PKD1: variants seen among roughly 807,000 people sequenced by gnomAD.
PKD1 encodes polycystin-1.
A neutral mutation model predicts 361.7 loss-of-function variants in PKD1; 81 were observed. That is an observed-to-expected ratio of 0.22 (90% confidence interval 0.19 to 0.27). PKD1 has a LOEUF of 0.27. Ranked by LOEUF, PKD1 falls within the 10% of genes least tolerant of loss-of-function variation. The probability of loss-of-function intolerance (pLI) is 1.00; values close to 1 mark genes in which losing one functional copy is unlikely to be tolerated. For missense variants in PKD1, 6,399 were observed against 6,118.3 expected, an observed-to-expected ratio of 1.05 and a Z score of -1.53; for synonymous variants, 3,615 against 2,818.3, an observed-to-expected ratio of 1.28 and a Z score of -8.95.
rs1477820995 is a variant in PKD1 at position 2,106,738 on chromosome 16, C to T, written c.7210-61G>A. The T allele has an allele frequency of 7.9e-6, 12 of 1,511,026 alleles. No individual in the cohort carries two copies. Among genetic ancestry groups the T allele is most frequent in the Non-Finnish European group, 9.9e-6 (11 of 1,111,866 alleles). 93.6% of individuals were successfully genotyped at this position (1,511,026 alleles called of 1,614,324 possible). On this transcript the variant is annotated intron_variant, in intron 17 of 45. Coordinates refer to ENST00000262304, the MANE Select transcript of PKD1 (RefSeq NM_001009944.3). The surrounding 1 kb of genome is among the most constrained non-coding windows in gnomAD (Gnocchi z 6.5). ...TCTGCCCTGTCAGCCCCACTTCTGCCTGCAGGCCCCGTCCCCTCGGCCATG... is the reference window on the plus strand; with the variant it reads ...TCTGCCCTGTCAGCCCCACTTCTGCTTGCAGGCCCCGTCCCCTCGGCCATG...
At chr16:2,094,421 C>T (rs757216593) in intron 34 of PKD1, among the ~76,000 whole-genome samples, 2 of 152,184 alleles carry the variant, frequency 1.3e-5, no homozygotes, top group African/African-American at 2.4e-5. Flanking sequence ...GTCAGGCGTC[C>T]GCCTGCGTCC....
At chr16:2,102,026 C>G (rs1417898574) in intron 26 of PKD1, 35 bp downstream of exon 26, 2 of 1,345,192 alleles carry the variant, frequency 1.5e-6, no homozygotes. Context: ...CCAGTGAGAG[C>G]AGGGGAGGCC....
rs137986581 is a variant in PKD1, at chr16:2,097,486, G to A, written c.10238C>T (p.Ser3413Phe). Residue 3413 changes from serine (S) to phenylalanine (F), a missense_variant, in exon 33 of 46, where the codon TCC (serine) becomes TTC (phenylalanine). By Grantham distance (155) the Ser-to-Phe change is radical (BLOSUM62 -2). Coordinates refer to ENST00000262304, the MANE Select transcript of PKD1 (RefSeq NM_001009944.3). ...CGGCCAACTGAGCGTTCCCTCGCCG[G>A]AGGGCCAGCACACCAGACTGCAGGT... is the stretch of plus-strand genomic sequence containing the variant. ...DDSKSLVCWP[S>F]GEGTLSWPDL... 4.4e-6 allele frequency: 7 copies of A among 1,602,102 alleles called. No individual in the cohort carries two copies. In the African/African-American group the frequency reaches 5.3e-5, roughly 12 times the overall value.
chr16:2,114,665 G>A lies in PKD1; in HGVS notation c.2358C>T (p.Pro786=). The A allele has an allele frequency of 6.5e-7, 1 of 1,549,564 alleles. No homozygotes were observed. Among genetic ancestry groups the A allele is most frequent in the Non-Finnish European group, 8.6e-7 (1 of 1,156,184 alleles). The change falls in exon 11 of 46, where the codon CCC becomes CCT. Residue 786 remains proline (P), a synonymous_variant. Coordinates refer to ENST00000262304, the MANE Select transcript of PKD1 (RefSeq NM_001009944.3). ...EQLTVLLGLR[P]NPGLRLPGRY... Reference sequence around the variant, plus strand: ...GCCCAGGCAGCCGCAGTCCAGGGTTGGGCCTCAAGCCCAGCAGCACGGTGA... The same window carrying A: ...GCCCAGGCAGCCGCAGTCCAGGGTTAGGCCTCAAGCCCAGCAGCACGGTGA...
intron 34 of PKD1, chr16:2,095,474 T>A (rs1376258857): frequency 6.6e-6 from 1 of 152,120 alleles, no homozygotes; most frequent in East Asian, 1.9e-4. Context: ...CACAAATGAC[T>A]CAGGGTCTGA....
At position 2,092,536 on chromosome 16, in the gene PKD1, T is replaced by A; in HGVS notation, c.11213A>T (p.Asn3738Ile). The A allele has an allele frequency of 1.9e-6, 3 of 1,612,748 alleles. No homozygotes were observed. Among genetic ancestry groups the A allele is most frequent in the Non-Finnish European group, 2.5e-6 (3 of 1,179,900 alleles). The change falls in exon 39 of 46, where the codon AAC becomes ATC. Residue 3738 changes from asparagine to isoleucine, a missense_variant. Coordinates refer to ENST00000262304, the MANE Select transcript of PKD1 (RefSeq NM_001009944.3). ...GGGCCCCAGCTCTGGGCTGGACTGG[T>A]TCCCGTGGACGTAGGGCAGCAGCAC... ...AHVLLPYVHG[N>I]QSSPELGPPR...
intron 10 of PKD1, 134 bp from the exon 11 acceptor site, chr16:2,115,059 C>G: frequency 1.3e-6 from 2 of 1,495,508 alleles, no homozygotes; most frequent in Non-Finnish European, 1.8e-6. Flanking sequence ...CCACAGTGCT[C>G]GTGACAAGGA....
Position 2,106,469 on chromosome 16 carries a change from C to T in PKD1, c.7418G>A (p.Gly2473Glu). Residue 2473 changes from glycine to glutamate, a missense_variant, in exon 18 of 46, where the codon GGG becomes GAG. Gly to Glu is a moderately conservative substitution (Grantham distance 98). Coordinates refer to ENST00000262304, the MANE Select transcript of PKD1 (RefSeq NM_001009944.3). This position sits in a 1 kb window ranked among gnomAD's most constrained non-coding sequence, Gnocchi z 6.5. ...IRLSPNRPPL[G>E]GSCRLFPLGA... ...CAGTGGGAAGAGGCGGCAAGAGCCC[C>T]CCAGCGGCGGGCGGTTGGGGGACAG... The T allele has an allele frequency of 6.3e-7, 1 of 1,590,676 alleles. No homozygotes were observed. Among genetic ancestry groups the T allele is most frequent in the Non-Finnish European group, 8.5e-7 (1 of 1,175,118 alleles).
Position 2,110,988 on chromosome 16 carries a change from C to T in PKD1, c.4179G>A (p.Gln1393=). Residue 1393 remains glutamine (Q), a synonymous_variant, in exon 15 of 46, where the codon CAG becomes CAA. Transcript: ENST00000262304. ...CCACCAGCCAGGCCTCGTCCCCGAGCTGCACAAACTGCCTCTCTGGCTGCA... is the reference window on the plus strand; with the variant it reads ...CCACCAGCCAGGCCTCGTCCCCGAGTTGCACAAACTGCCTCTCTGGCTGCA... ...VTLQPERQFV[Q]LGDEAWLVAC... 4 of 1,610,558 alleles carry T rather than the reference C, an allele frequency of 2.5e-6. No homozygotes were observed. Among genetic ancestry groups the T allele is most frequent in the Non-Finnish European group, 3.4e-6 (4 of 1,179,662 alleles).
rs751220995 is a variant in PKD1 at position 2,108,803 on chromosome 16, C to T, written c.6364G>A (p.Val2122Met). 8.3e-6 allele frequency: 13 copies of T among 1,568,234 alleles called. No homozygotes were observed. Among genetic ancestry groups the T allele is most frequent in the East Asian group, 2.4e-5 (1 of 42,112 alleles). The change falls in exon 15 of 46, where the codon GTG becomes ATG. Residue 2122 changes from valine (V) to methionine (M), a missense_variant. Transcript: ENST00000262304. ...ACCAGGTTGGAGGCGTTCACCTGCA[C>T]GCGGTAGTCCCCAGGCCTCAGGTAG... ...HSYLRPGDYR[V>M]QVNASNLVSF...
At position 2,097,785 on chromosome 16, in the gene PKD1, G is replaced by C. The variant is rs1409099739; in HGVS notation, c.10168-5C>G. 3.1e-6 allele frequency: 5 copies of C among 1,611,462 alleles called. No individual in the cohort carries two copies. The highest frequency in any genetic ancestry group is 4.2e-6 in the Non-Finnish European group (5 of 1,179,884). On this transcript the variant is annotated splice_region_variant and splice_polypyrimidine_tract_variant and intron_variant, in intron 31 of 45. Coordinates refer to ENST00000262304, the MANE Select transcript of PKD1 (RefSeq NM_001009944.3). ...CATCTGTCCAACAAAGGCCTGCTGA[G>C]AGGTGCACAGTGTCTTGAGTCCAAG...
rs1212482624 is a variant in PKD1 at position 2,118,380 on chromosome 16, C to G, written c.612G>C (p.Leu204=). Residue 204 remains leucine, a synonymous_variant, in exon 5 of 46, where the codon CTG becomes CTC. Coordinates refer to ENST00000262304, the MANE Select transcript of PKD1 (RefSeq NM_001009944.3). This position sits in a 1 kb window ranked among gnomAD's most constrained non-coding sequence, Gnocchi z 6.0. ...AVSFSAAHEG[L]LQPEACSAFC... ...AGGCGCTGCAGGCCTCTGGCTGAAG[C>G]AGGCCTTCGTGGGCAGCTGAAAAGG... 17 of 1,283,728 alleles carry G rather than the reference C, an allele frequency of 1.3e-5. No individual in the cohort carries two copies. The highest frequency in any genetic ancestry group is 1.6e-5 in the Non-Finnish European group (15 of 918,278). The allele number at this position is 1,283,728 out of a possible 1,614,324, so 79.5% of individuals were successfully genotyped here.
In PKD1 at chr16:2,093,352, G is replaced by A. The variant is rs1471425352; in HGVS notation, c.11016+192C>T. The stretch of plus-strand genomic sequence containing the variant: ...AGGCAGGAGTGGGCATTGGAGCTGG[G>A]CCCTGGCAGGGACTGGGGCAGCAAG... On this transcript the variant is annotated intron_variant, in intron 37 of 45. Coordinates refer to ENST00000262304, the MANE Select transcript of PKD1 (RefSeq NM_001009944.3). 21 of 688,482 alleles carry A rather than the reference G, an allele frequency of 3.1e-5. No individual in the cohort carries two copies. The South Asian group carries it at 3.3e-4, about 11-fold the overall frequency. The allele number at this position is 688,482 out of a possible 1,614,324, so 42.6% of individuals were successfully genotyped here. A position where few individuals can be genotyped will look rare whatever the true frequency, so the allele number is the denominator to read the frequency against.
Position 2,093,026 on chromosome 16 carries a change from T to C in PKD1, c.11084A>G (p.His3695Arg). 2.5e-6 allele frequency: 4 copies of C among 1,612,866 alleles called. No homozygotes were observed. Among genetic ancestry groups the C allele is most frequent in the Admixed American group, 1.7e-5 (1 of 60,026 alleles). ...GCTTTGCAGACGGTAGGCGTGCCCA[T>C]GGCATGAGGCATCCCCATAGCTGGC... The part of the protein sequence containing the change: ...LLASYGDASC[H>R]GHAYRLQSAI... Residue 3695 changes from histidine to arginine, a missense_variant, in exon 38 of 46, where the codon CAT (histidine) becomes CGT (arginine). Physicochemically the swap from His to Arg is conservative, Grantham distance 29 (BLOSUM62 0). Transcript: ENST00000262304.
At chr16:2,092,450 T>A (rs1567154861) in intron 39 of PKD1, 30 bp downstream of exon 39, 1 of 1,432,366 alleles carries the variant, frequency 7.0e-7, no homozygotes, top group Non-Finnish European at 9.8e-7. Context: ...AGGAACGATT[T>A]AAGTCTTGGG....
At chr16:2,124,717 A>G (rs2092771766) in intron 1 of PKD1, among the ~76,000 whole-genome samples, 1 of 152,168 alleles carries the variant, frequency 6.6e-6, no homozygotes, top group Non-Finnish European at 1.5e-5. Context: ...TGCACATTCC[A>G]GACACGTGTG....
In PKD1 at chr16:2,091,917, G is replaced by GGGGTGGCGT; in HGVS notation, c.11412-20_11412-12dup. On this transcript the variant is annotated splice_polypyrimidine_tract_variant and intron_variant, in intron 40 of 45. Coordinates refer to ENST00000262304, the MANE Select transcript of PKD1 (RefSeq NM_001009944.3). ...CCCCAGGACCATGCCCTGCCGGAGA[G>GGGGTGGCGT]GGGTGGCGTGGGTGCCGCACCCCAG... The GGGGTGGCGT allele has an allele frequency of 3.1e-6, 5 of 1,611,588 alleles. No homozygotes were observed. The highest frequency in any genetic ancestry group is 4.2e-6 in the Non-Finnish European group (5 of 1,179,634).
rs757875437 is a variant in PKD1 at position 2,114,255 on chromosome 16, C to G, written c.2768G>C (p.Ser923Thr). The change falls in exon 11 of 46, where the codon AGC (serine) becomes ACC (threonine). Residue 923 changes from serine (S) to threonine (T), a missense_variant. Transcript: ENST00000262304. ...GGGCTCCTCCGCCGTCACCCGCAGGCTGAGGTTGGCCCGGCTGGCGCTGTT... is the reference window on the plus strand; with the variant it reads ...GGGCTCCTCCGCCGTCACCCGCAGGGTGAGGTTGGCCCGGCTGGCGCTGTT... The part of the protein sequence containing the change: ...VENSASRANL[S>T]LRVTAEEPIC... 1.9e-6 allele frequency: 3 copies of G among 1,610,368 alleles called. No homozygotes were observed. Among genetic ancestry groups the G allele is most frequent in the African/African-American group, 1.3e-5 (1 of 74,988 alleles).
chr16:2,093,106 G>T lies in PKD1; in HGVS notation c.11017-13C>A, dbSNP rs1406113964. ...ACACCAGGAGGCTCTGGTGGACGGG[G>T]GGGCCCTGTGGTCAGCCTGGCCCCA... On this transcript the variant is annotated splice_polypyrimidine_tract_variant and intron_variant, in intron 37 of 45. Transcript: ENST00000262304. The T allele has an allele frequency of 6.2e-7, 1 of 1,611,980 alleles. No homozygotes were observed. The highest frequency in any genetic ancestry group is 1.3e-5 in the African/African-American group (1 of 74,916).
Sources: gnomAD v4.1 joint callset for allele counts (sites outside exome capture counted in the v4.1 genomes callset) on GRCh38, gnomAD v4.1.1 for gene constraint, Gnocchi (gnomAD v3.1) non-coding constraint, MANE v1.5 for transcripts, NCBI Gene and HGNC (gene_info 2026-07-23, HGNC 2026-07-21) for gene names.